The following VWC2L variants were observed in gnomAD, a reference collection of about 807,000 sequenced individuals.
The protein encoded by VWC2L is von Willebrand factor C domain containing 2 like.
In VWC2L, 10 loss-of-function variants were observed where a neutral mutation model predicts 21.6. The ratio of observed to expected loss-of-function variants is 0.46; its 90% CI spans 0.29 to 0.78. The LOEUF (loss-of-function observed/expected upper bound fraction) is 0.78. Ranked by LOEUF, VWC2L falls within the 30% of genes least tolerant of loss-of-function variation. The pLI is 0.10. For synonymous variants in VWC2L, 96 were observed against 94.3 expected (o/e 1.02, Z -0.10); for missense variants, 209 against 277.1 (o/e 0.75, Z 1.74).
At chr2:214,467,279 T>C (rs1029586644) in intron 3 of VWC2L, among the ~76,000 whole-genome samples, 1 of 152,214 alleles carries the variant, frequency 6.6e-6, no homozygotes, top group African/African-American at 2.4e-5. Flanking sequence ...TTTCCCCACA[T>C]GTATATGCTG....
At chr2:214,527,985 A>G (rs1689371161) in intron 3 of VWC2L, among the ~76,000 whole-genome samples, 2 of 152,246 alleles carry the variant, frequency 1.3e-5, no homozygotes, top group Non-Finnish European at 1.5e-5. Flanking sequence ...TACAAGGTAT[A>G]TAACTGCTAA....
At chr2:214,457,130 G>A (rs1703069461) in intron 3 of VWC2L, among the ~76,000 whole-genome samples, 1 of 152,004 alleles carries the variant, frequency 6.6e-6, no homozygotes, top group East Asian at 1.9e-4. Context: ...GAAAGAAATT[G>A]CGTTGAGTCT....
At chr2:214,513,524 GAGA>G (rs1559314064) in intron 3 of VWC2L, among the ~76,000 whole-genome samples, 2 of 152,218 alleles carry the variant, frequency 1.3e-5, no homozygotes, top group Admixed American at 6.5e-5. Flanking sequence ...TAACGTGGCA[GAGA>G]AGATTTTCAC....
chr2:214,562,810 G>A (rs183742183), intron 3 of VWC2L, among the ~76,000 whole-genome samples: 1 of 152,212 alleles, frequency 6.6e-6, no homozygotes, highest in Admixed American at 6.5e-5. Flanking sequence ...ACTTTTTAAT[G>A]GGGTTGTTTT....
intron 3 of VWC2L, among the ~76,000 whole-genome samples, chr2:214,452,578 C>T (rs1235076236): frequency 7.9e-5 from 12 of 151,996 alleles, no homozygotes; most frequent in Non-Finnish European, 7.4e-5. Context: ...CAGAAGCCTT[C>T]GTATGGATAC....
chr2:214,549,795 C>A (rs1355891015), intron 3 of VWC2L, among the ~76,000 whole-genome samples: 1 of 152,112 alleles, frequency 6.6e-6, no homozygotes, highest in East Asian at 1.9e-4. Context: ...ATACAAAAAA[C>A]AAAAAAGTTG....
At chr2:214,519,977 C>T (rs992344823) in intron 3 of VWC2L, among the ~76,000 whole-genome samples, 1 of 151,990 alleles carries the variant, frequency 6.6e-6, no homozygotes, top group African/African-American at 2.4e-5. Flanking sequence ...AAATAAAACA[C>T]TCTAAAGCTC....
chr2:214,466,900 G>A (rs1703225829), intron 3 of VWC2L, among the ~76,000 whole-genome samples: 1 of 152,036 alleles, frequency 6.6e-6, no homozygotes. Context: ...TTTATTGATT[G>A]CTTTATCTCC....
At position 214,543,280 on chromosome 2, in the gene VWC2L, C is replaced by T. The variant is rs138576417; in HGVS notation, c.521-32392C>T. ...GCCAAGATTTAATTCATTTTTGAGG[C>T]CTCTCAATTCTCCATAGAGTGTTTA... On this transcript the variant is annotated intron_variant, in intron 3 of 3. Transcript: ENST00000312504. Among the ~76,000 whole-genome samples, 3 of 152,272 alleles carry T rather than the reference C, an allele frequency of 2.0e-5. No homozygotes were observed. In the East Asian group the frequency reaches 5.8e-4, roughly 29 times the overall value.
intron 3 of VWC2L, among the ~76,000 whole-genome samples, chr2:214,462,057 A>G (rs1703150931): frequency 6.6e-6 from 1 of 151,786 alleles, no homozygotes; most frequent in Non-Finnish European, 1.5e-5. Flanking sequence ...AATGTCACCC[A>G]TGCTCCAGGA....
At chr2:214,512,067 T>C (rs1338334012) in intron 3 of VWC2L, among the ~76,000 whole-genome samples, 6 of 152,158 alleles carry the variant, frequency 3.9e-5, no homozygotes, top group Non-Finnish European at 8.8e-5. Flanking sequence ...GGACTATCCA[T>C]TTCACTTGAT....
At chr2:214,503,978 A>C in intron 3 of VWC2L, among the ~76,000 whole-genome samples, 1 of 53,628 alleles carries the variant, frequency 1.9e-5, no homozygotes, top group Non-Finnish European at 5.9e-5. Flanking sequence ...TTTGTTGACT[A>C]TAAGAAGACC....
At chr2:214,490,250 A>G (rs1296329653) in intron 3 of VWC2L, among the ~76,000 whole-genome samples, 1 of 152,156 alleles carries the variant, frequency 6.6e-6, no homozygotes, top group South Asian at 2.1e-4. Context: ...CTTAGACCAC[A>G]TGGTAAAACA....
chr2:214,574,402 G>T (rs1690197639), intron 3 of VWC2L, among the ~76,000 whole-genome samples: 1 of 152,154 alleles, frequency 6.6e-6, no homozygotes, highest in African/African-American at 2.4e-5. Context: ...GAATAGCCTT[G>T]TGTTGATAAG....
intron 3 of VWC2L, among the ~76,000 whole-genome samples, chr2:214,563,467 A>G (rs1224567400): frequency 6.7e-6 from 1 of 149,596 alleles, no homozygotes; most frequent in African/African-American, 2.5e-5. Flanking sequence ...GAATGGCATG[A>G]ACCCAGGAGG....
At chr2:214,430,745 C>T (rs954885454) in intron 2 of VWC2L, among the ~76,000 whole-genome samples, 5 of 152,216 alleles carry the variant, frequency 3.3e-5, no homozygotes, top group Non-Finnish European at 5.9e-5. Context: ...CCAGAGAAAG[C>T]CAGGGCAGCT....
rs77470902 is a variant in VWC2L, at chr2:214,429,231, C to T, written c.391-7398C>T. Among the ~76,000 whole-genome samples the T allele has an allele frequency of 1.0e-2, 1,520 of 152,244 alleles. 25 individuals carry two copies. Among genetic ancestry groups the T allele is most frequent in the African/African-American group, 0.033 (1,391 of 41,540 alleles). ...ACTTTTTTCCTGTTGCATAAACGGG[C>T]GATAAATGTAGCACCTTCAGCATGA... On this transcript the variant is annotated intron_variant, in intron 2 of 3. Coordinates refer to ENST00000312504, the MANE Select transcript of VWC2L (RefSeq NM_001080500.4).
chr2:214,490,755 G>C (rs1436020453), intron 3 of VWC2L, among the ~76,000 whole-genome samples: 1 of 152,172 alleles, frequency 6.6e-6, no homozygotes, highest in Non-Finnish European at 1.5e-5. Flanking sequence ...GTCCAGGAAG[G>C]AATGAGGCTT....
rs1174370326 is a variant in VWC2L at position 214,469,216 on chromosome 2, A to G, written c.520+32458A>G. Among the ~76,000 whole-genome samples the G allele has an allele frequency of 2.6e-5, 4 of 152,228 alleles. No homozygotes were observed. In the East Asian group the frequency reaches 5.8e-4, roughly 22 times the overall value. ...TAACACTATCAAATAGGAAAGACCAATTATCTCCAATGTAATCCATGCAAT... is the reference window on the plus strand; with the variant it reads ...TAACACTATCAAATAGGAAAGACCAGTTATCTCCAATGTAATCCATGCAAT... On this transcript the variant is annotated intron_variant, in intron 3 of 3. Transcript: ENST00000312504.
Sources: allele counts gnomAD v4.1 joint callset (sites outside exome capture counted in the v4.1 genomes callset), GRCh38; gene constraint gnomAD v4.1.1; transcripts MANE v1.5; gene names NCBI Gene and HGNC (gene_info 2026-07-23, HGNC 2026-07-21).